PLPPR4: variants seen among roughly 807,000 people sequenced by gnomAD.
PLPPR4 encodes phospholipid phosphatase related 4, also known as phospholipid phosphatase-related protein type 4.
PLPPR4 carries 24 observed loss-of-function variants against 56.6 expected under a neutral mutation model. That is an observed-to-expected ratio of 0.42 (90% CI 0.31 to 0.60). The LOEUF is 0.60. Among genes scored for constraint, PLPPR4 ranks in the 20% least tolerant of loss-of-function variants. PLPPR4 has a pLI of 0.13. For synonymous variants in PLPPR4, 326 were observed against 328.1 expected (o/e 0.99, Z 0.07); for missense variants, 654 against 885.8 (o/e 0.74, Z 3.32).
chr1:99,292,059 T>C (rs2100801748), intron 2 of PLPPR4, among the ~76,000 whole-genome samples: 1 of 152,324 alleles, frequency 6.6e-6, no homozygotes, highest in South Asian at 2.1e-4. Context: ...ATATTTGAAT[T>C]TGAGATAAAT....
chr1:99,270,697 C>A (rs567898626), intron 1 of PLPPR4, among the ~76,000 whole-genome samples: 4 of 152,262 alleles, frequency 2.6e-5, no homozygotes, highest in Non-Finnish European at 5.9e-5. Flanking sequence ...CTAGTCTATT[C>A]CCTTTTACAT....
intron 1 of PLPPR4, among the ~76,000 whole-genome samples, chr1:99,265,195 C>A (rs901914395): frequency 2.3e-5 from 3 of 130,734 alleles, no homozygotes; most frequent in African/African-American, 5.3e-5. Context: ...TGCTCACATA[C>A]GCTTCTGAAA....
intron 1 of PLPPR4, among the ~76,000 whole-genome samples, 160 bp downstream of exon 1, chr1:99,264,831 T>A (rs1658850221): frequency 6.6e-6 from 1 of 152,030 alleles, no homozygotes. Flanking sequence ...TCACAGCAGC[T>A]CCCCGAATGT....
At chr1:99,277,269 A>T (rs1049066392) in intron 1 of PLPPR4, among the ~76,000 whole-genome samples, 5 of 152,064 alleles carry the variant, frequency 3.3e-5, no homozygotes, top group African/African-American at 1.2e-4. Flanking sequence ...CAGGACTTTG[A>T]TCCTACTTGT....
At chr1:99,262,953 G>A (rs551970738), upstream of PLPPR4, among the ~76,000 whole-genome samples, 206 of 152,288 alleles carry the variant, frequency 1.4e-3, no homozygotes, top group African/African-American at 4.6e-3. Flanking sequence ...AAGAGATGGC[G>A]GTCGCTGTGT....
intron 1 of PLPPR4, among the ~76,000 whole-genome samples, chr1:99,275,314 A>G (rs1659156951): frequency 6.6e-6 from 1 of 152,188 alleles, no homozygotes; most frequent in Non-Finnish European, 1.5e-5. Flanking sequence ...TACATGAAGA[A>G]AAATTATTTG....
rs150936615 is a variant in PLPPR4 at position 99,291,426 on chromosome 1, T to C, written c.264+3276T>C. 3.8e-3 allele frequency among the ~76,000 whole-genome samples: 586 copies of C among 152,330 alleles called. 4 individuals are homozygous for C. Among genetic ancestry groups the C allele is most frequent in the African/African-American group, 0.013 (541 of 41,570 alleles). On this transcript the variant is annotated intron_variant, in intron 2 of 6. Transcript: ENST00000370185. ...TCAACCCACCAATCCCATTACTGGG[T>C]ATATACCCAAAGGAACATAAATCAT...
intron 1 of PLPPR4, among the ~76,000 whole-genome samples, chr1:99,276,617 G>GA (rs1465888412): frequency 1.3e-5 from 2 of 151,810 alleles, no homozygotes; most frequent in Non-Finnish European, 2.9e-5. Flanking sequence ...AAAGTTCATG[G>GA]AAAAAATGGA....
At chr1:99,273,180 A>C (rs1438604049) in intron 1 of PLPPR4, among the ~76,000 whole-genome samples, 2 of 152,130 alleles carry the variant, frequency 1.3e-5, no homozygotes, top group Non-Finnish European at 2.9e-5. Context: ...AATTAGACTG[A>C]ACCAATTGCA....
intron 2 of PLPPR4, among the ~76,000 whole-genome samples, chr1:99,296,362 A>G (rs1659740773): frequency 6.6e-6 from 1 of 152,216 alleles, no homozygotes; most frequent in African/African-American, 2.4e-5. Flanking sequence ...TGCAAAGTAT[A>G]GTTCCATCAT....
intron 1 of PLPPR4, among the ~76,000 whole-genome samples, chr1:99,287,528 G>T (rs712885): frequency 1 from 152,184 of 152,312 alleles, 76,028 homozygotes; most frequent in Middle Eastern, 1. Flanking sequence ...AGCGTTTCTA[G>T]CTCTCCACAG....
intron 1 of PLPPR4, among the ~76,000 whole-genome samples, chr1:99,283,319 A>C (rs1659377630): frequency 6.6e-6 from 1 of 152,184 alleles, no homozygotes; most frequent in South Asian, 2.1e-4. Context: ...AACTCTCCCC[A>C]GTGAAAAGTA....
upstream of PLPPR4, chr1:99,264,453 C>T (rs712896): frequency 4.7e-5 from 70 of 1,491,936 alleles, no homozygotes; most frequent in South Asian, 8.8e-4. Context: ...GCGCTGCATG[C>T]AGCGCGCTGG....
rs2100812979 is a variant in PLPPR4, at chr1:99,305,747, C to A, written c.885C>A (p.Ala295=). 6.2e-7 allele frequency: 1 copy of A among 1,613,628 alleles called. No individual in the cohort carries two copies. The highest frequency in any genetic ancestry group is 1.7e-5 in the Admixed American group (1 of 60,006). ...SDESMFQHRD[A]LRSLTDLNQD... is the part of the protein sequence containing the mutation. ...AGAGTATGTTTCAGCACAGAGACGCCCTCAGGTCTCTGACAGACCTCAATC... is the reference window on the plus strand; with the variant it reads ...AGAGTATGTTTCAGCACAGAGACGCACTCAGGTCTCTGACAGACCTCAATC... Residue 295 remains alanine (A), a synonymous_variant, in exon 7 of 7, where the codon GCC becomes GCA. Transcript: ENST00000370185.
chr1:99,264,733 G>T, intron 1 of PLPPR4, 62 bp downstream of exon 1: 1 of 1,525,666 alleles, frequency 6.6e-7, no homozygotes. Context: ...AGCGAATTCA[G>T]GTCCTGGACA....
intron 1 of PLPPR4, among the ~76,000 whole-genome samples, chr1:99,267,858 A>C (rs926978586): frequency 6.6e-6 from 1 of 152,260 alleles, no homozygotes; most frequent in African/African-American, 2.4e-5. Context: ...GTACAAGAAT[A>C]ATGACAACCA....
In PLPPR4 at chr1:99,308,489, C is replaced by A. The variant is rs1460396684; in HGVS notation, c.*1479C>A. 6.6e-6 allele frequency: 1 copy of A among 152,554 alleles called. No individual in the cohort carries two copies. The highest frequency in any genetic ancestry group is 2.4e-5 in the African/African-American group (1 of 41,434). 9.5% of individuals were successfully genotyped at this position (152,554 alleles called of 1,614,324 possible). ...TTAAAGTATGAAGACATACTCAGTT[C>A]TTGGAACTTAGTATTAAACCTTTTT... On this transcript the variant is annotated 3_prime_UTR_variant, in exon 7 of 7. Transcript: ENST00000370185.
intron 2 of PLPPR4, among the ~76,000 whole-genome samples, chr1:99,293,704 A>G (rs1659676324): frequency 6.6e-6 from 1 of 152,200 alleles, no homozygotes. Context: ...TAGACATGTT[A>G]GGGCTTCCAA....
upstream of PLPPR4, among the ~76,000 whole-genome samples, chr1:99,263,689 C>G (rs1366648362): frequency 1.3e-5 from 2 of 152,092 alleles, no homozygotes; most frequent in Admixed American, 1.3e-4. Context: ...AGATGAAGGA[C>G]TTTAGATTAT....
Sources: allele counts gnomAD v4.1 joint callset (sites outside exome capture counted in the v4.1 genomes callset), GRCh38; gene constraint gnomAD v4.1.1; transcripts MANE v1.5; gene names NCBI Gene and HGNC (gene_info 2026-07-23, HGNC 2026-07-21).